GRPEL2: variants seen among roughly 807,000 people sequenced by gnomAD.
The protein encoded by GRPEL2 is grpE protein homolog 2, mitochondrial.
GRPEL2 carries 18 observed loss-of-function variants against 25.9 expected under a neutral mutation model. The observed-to-expected ratio is 0.70, with a 90% CI of 0.48 to 1.03. The LOEUF (loss-of-function observed/expected upper bound fraction) is 1.03, where lower values mean the gene tolerates loss of function less well. GRPEL2 is among the 50% of genes least tolerant of loss of function. The pLI is 0.00. For missense variants in GRPEL2, 247 were observed against 276.2 expected (o/e 0.89, Z 0.75); for synonymous variants, 106 against 107.9 (o/e 0.98, Z 0.11).
chr5:149,350,579 A>G (rs754075544), intron 3 of GRPEL2, among the ~76,000 whole-genome samples: 2 of 152,242 alleles, frequency 1.3e-5, no homozygotes, highest in Non-Finnish European at 2.9e-5. Context: ...AATGTACATA[A>G]TACTACAAGC....
rs34300270 is a variant in GRPEL2, at chr5:149,346,715, A to ATTTTTTTTTTTTTT, written c.77+1126_77+1139dup. On this transcript the variant is annotated intron_variant, in intron 1 of 3. Coordinates refer to ENST00000329271, the MANE Select transcript of GRPEL2 (RefSeq NM_152407.4). ...TTTTCCCTTTGAACTGGCCCTGAGA[A>ATTTTTTTTTTTTTT]TTTTTTTTTTTTTTTTTTTTTTTTT... is the stretch of plus-strand genomic sequence containing the variant. Among the ~76,000 whole-genome samples, 4 of 59,262 alleles carry ATTTTTTTTTTTTTT rather than the reference A, an allele frequency of 6.7e-5. 2 individuals carry two copies. Among genetic ancestry groups the ATTTTTTTTTTTTTT allele is most frequent in the African/African-American group, 3.3e-4 (4 of 12,206 alleles). The allele number at this position is 59,262 out of a possible 152,430, so 38.9% of individuals were successfully genotyped here.
chr5:149,348,499 T>C (rs1390655722), intron 2 of GRPEL2, 74 bp downstream of exon 2: 13 of 1,289,746 alleles, frequency 1.0e-5, no homozygotes, highest in Middle Eastern at 2.4e-4. Context: ...TTTATGTCAA[T>C]TTTCAAAATG....
At chr5:149,350,222 T>A (rs1283931215) in intron 3 of GRPEL2, among the ~76,000 whole-genome samples, 1 of 152,238 alleles carries the variant, frequency 6.6e-6, no homozygotes, top group Non-Finnish European at 1.5e-5. Context: ...TTTCTTGCCC[T>A]CATTTCTGTA....
Position 149,350,952 on chromosome 5 carries a change from G to A in GRPEL2, c.348G>A (p.Val116=), listed in dbSNP as rs753197148. 62 of 1,613,886 alleles carry A rather than the reference G, an allele frequency of 3.8e-5. No individual in the cohort carries two copies. The highest frequency in any genetic ancestry group is 4.2e-5 in the Non-Finnish European group (50 of 1,179,864). The change falls in exon 4 of 4, where the codon GTG becomes GTA. Residue 116 remains valine (V), a synonymous_variant. Coordinates refer to ENST00000329271, the MANE Select transcript of GRPEL2 (RefSeq NM_152407.4). ...GTTTCTGTAAGGACTTGGTGGAGGT[G>A]GCTGACATTTTGGAGAAGACTACAG... ...IQSFCKDLVE[V]ADILEKTTEC...
chr5:149,350,824 C>T (rs1757762603), intron 3 of GRPEL2, 94 bp from the exon 4 acceptor site: 5 of 1,311,156 alleles, frequency 3.8e-6, no homozygotes, highest in Non-Finnish European at 5.3e-6. Flanking sequence ...GACTACTCAG[C>T]ATACTAGCCG....
At chr5:149,347,118 G>A (rs1315843749) in intron 1 of GRPEL2, among the ~76,000 whole-genome samples, 2 of 152,022 alleles carry the variant, frequency 1.3e-5, no homozygotes, top group African/African-American at 2.4e-5. Flanking sequence ...CCAGATCTAC[G>A]GTGACCATAT....
chr5:149,351,292 C>T lies in GRPEL2; in HGVS notation c.*10C>T. On this transcript the variant is annotated 3_prime_UTR_variant, in exon 4 of 4. Transcript: ENST00000329271. ...TCAGAGAAGACTGTGAAGAGGCCAT[C>T]AGGAACTGGATGTTCTCCCAGAGCG... The T allele has an allele frequency of 1.9e-6, 3 of 1,595,964 alleles. No homozygotes were observed. The highest frequency in any genetic ancestry group is 4.5e-5 in the East Asian group (2 of 44,480).
In GRPEL2 at chr5:149,351,327, A is replaced by G. The variant is rs546964513; in HGVS notation, c.*45A>G. ...ATGTTCTCCCAGAGCGCAGTCACCTATGTTTCTTTTATTTATTAAACTAGG... is the reference window on the plus strand; with the variant it reads ...ATGTTCTCCCAGAGCGCAGTCACCTGTGTTTCTTTTATTTATTAAACTAGG... On this transcript the variant is annotated 3_prime_UTR_variant, in exon 4 of 4. Transcript: ENST00000329271. 1 of 1,544,026 alleles carries G rather than the reference A, an allele frequency of 6.5e-7. No homozygotes were observed. The highest frequency in any genetic ancestry group is 1.2e-5 in the South Asian group (1 of 81,138).
At chr5:149,349,874 C>T (rs1285281770) in intron 3 of GRPEL2, 139 bp downstream of exon 3, 10 of 645,140 alleles carry the variant, frequency 1.6e-5, no homozygotes, top group African/African-American at 9.3e-5. Context: ...CATGACACCT[C>T]GTCTCTACTG....
In GRPEL2 at chr5:149,354,019, A is replaced by AT. The variant is rs1274658167; in HGVS notation, c.*2744dup. ...AGTAGGTGCTCAGATATTTATTTTT[A>AT]TTTTTTTATTATGCACATTGTTTTT... On this transcript the variant is annotated 3_prime_UTR_variant, in exon 4 of 4. Transcript: ENST00000329271. 1.4e-4 allele frequency: 21 copies of AT among 152,060 alleles called. No individual in the cohort carries two copies. The highest frequency in any genetic ancestry group is 2.8e-4 in the Non-Finnish European group (19 of 67,992). The allele number at this position is 152,060 out of a possible 1,614,324, so 9.4% of individuals were successfully genotyped here. A position where few individuals can be genotyped will look rare whatever the true frequency, so the allele number is the denominator to read the frequency against.
chr5:149,348,169 C>A lies in GRPEL2; in HGVS notation c.78-103C>A. The A allele has an allele frequency of 1.2e-5, 13 of 1,046,640 alleles. 1 individual carries two copies. In the South Asian group the frequency reaches 2.1e-4, roughly 17 times the overall value. 64.8% of individuals were successfully genotyped at this position (1,046,640 alleles called of 1,614,324 possible). On this transcript the variant is annotated intron_variant, in intron 1 of 3. Coordinates refer to ENST00000329271, the MANE Select transcript of GRPEL2 (RefSeq NM_152407.4). ...TTGTTACTATAACTGAAAACACTTT[C>A]TCCAGAGATTCCATCTGGGAAGATC... is the stretch of plus-strand genomic sequence containing the variant.
At chr5:149,347,667 A>G (rs1397846132) in intron 1 of GRPEL2, among the ~76,000 whole-genome samples, 1 of 152,194 alleles carries the variant, frequency 6.6e-6, no homozygotes, top group Non-Finnish European at 1.5e-5. Flanking sequence ...TTGTATAAGT[A>G]TTTCATTGAC....
chr5:149,351,576 G>T lies in GRPEL2; in HGVS notation c.*294G>T. On this transcript the variant is annotated 3_prime_UTR_variant, in exon 4 of 4. Transcript: ENST00000329271. Reference sequence around the variant, plus strand: ...TTGAATCCAAAATCCTTTTAACTATGGGTTTTCAACTACATGTTTCTTCCT... The same window carrying T: ...TTGAATCCAAAATCCTTTTAACTATTGGTTTTCAACTACATGTTTCTTCCT... 3.8e-6 allele frequency: 1 copy of T among 265,270 alleles called. No individual in the cohort carries two copies. Among genetic ancestry groups the T allele is most frequent in the Non-Finnish European group, 7.3e-6 (1 of 137,376 alleles). 16.4% of individuals were successfully genotyped at this position (265,270 alleles called of 1,614,324 possible).
At position 149,350,905 on chromosome 5, in the gene GRPEL2, G is replaced by C. The variant is rs1757763573; in HGVS notation, c.314-13G>C. 1 of 1,608,740 alleles carries C rather than the reference G, an allele frequency of 6.2e-7. No individual in the cohort carries two copies. Among genetic ancestry groups the C allele is most frequent in the African/African-American group, 1.3e-5 (1 of 74,488 alleles). ...TTCCTCACAAACAATAAAAATAACT[G>C]GCTTCTCTGCAGGAATCCAGAGTTT... On this transcript the variant is annotated splice_polypyrimidine_tract_variant and intron_variant, in intron 3 of 3. Coordinates refer to ENST00000329271, the MANE Select transcript of GRPEL2 (RefSeq NM_152407.4).
In GRPEL2 at chr5:149,352,840, GAAC is replaced by G. The variant is rs936915171; in HGVS notation, c.*1562_*1564del. 6.6e-6 allele frequency: 1 copy of G among 152,020 alleles called. No individual in the cohort carries two copies. The allele number at this position is 152,020 out of a possible 1,614,324, so 9.4% of individuals were successfully genotyped here. ...AAATTCCAGTGAGAGTATGAATGAAGAACAACTAGATATTAATGTCAATCATTT... is the reference window on the plus strand; with the variant it reads ...AAATTCCAGTGAGAGTATGAATGAAGAACTAGATATTAATGTCAATCATTT... On this transcript the variant is annotated 3_prime_UTR_variant, in exon 4 of 4. Transcript: ENST00000329271.
Position 149,350,852 on chromosome 5 carries a change from C to T in GRPEL2, c.314-66C>T, listed in dbSNP as rs1757762913. Reference sequence around the variant, plus strand: ...ACTAGCCGTCTATCTAGGCCTTACCCAAACTCTATGCCCACGGGCAGAGTG... The same window carrying T: ...ACTAGCCGTCTATCTAGGCCTTACCTAAACTCTATGCCCACGGGCAGAGTG... On this transcript the variant is annotated intron_variant, in intron 3 of 3. Transcript: ENST00000329271. The T allele has an allele frequency of 7.7e-6, 12 of 1,563,536 alleles. No homozygotes were observed. In the South Asian group the frequency reaches 1.1e-4, roughly 14 times the overall value.
chr5:149,350,797 A>C, intron 3 of GRPEL2, 121 bp from the exon 4 acceptor site: 1 of 1,011,420 alleles, frequency 9.9e-7, no homozygotes, highest in South Asian at 1.6e-5. Context: ...CCTGTGTGGC[A>C]ACCTTTCCAC....
Position 149,353,958 on chromosome 5 carries a change from G to T in GRPEL2, c.*2676G>T, listed in dbSNP as rs998799698. 1 of 152,206 alleles carries T rather than the reference G, an allele frequency of 6.6e-6. No individual in the cohort carries two copies. The highest frequency in any genetic ancestry group is 1.5e-5 in the Non-Finnish European group (1 of 68,040). 9.4% of individuals were successfully genotyped at this position (152,206 alleles called of 1,614,324 possible). On this transcript the variant is annotated 3_prime_UTR_variant, in exon 4 of 4. Coordinates refer to ENST00000329271, the MANE Select transcript of GRPEL2 (RefSeq NM_152407.4). Reference sequence around the variant, plus strand: ...ATTATAATAATTCTTTCACAGCGTTGTGAGGATTAAGTGAAATGTGTTAAA... The same window carrying T: ...ATTATAATAATTCTTTCACAGCGTTTTGAGGATTAAGTGAAATGTGTTAAA...
At chr5:149,348,601 G>C (rs783779) in intron 2 of GRPEL2, among the ~76,000 whole-genome samples, 176 bp downstream of exon 2, 82,351 of 152,068 alleles carry the variant, frequency 0.54, 23,387 homozygotes, top group African/African-American at 0.72. Context: ...TGTAGTAGTT[G>C]AAAAACACCA....
Sources: gnomAD v4.1 joint callset for allele counts (sites outside exome capture counted in the v4.1 genomes callset) on GRCh38, gnomAD v4.1.1 for gene constraint, MANE v1.5 for transcripts, NCBI Gene and HGNC (gene_info 2026-07-23, HGNC 2026-07-21) for gene names.